Variants in SV2C observed in about 807,000 individuals in gnomAD.
SV2C encodes the protein solute carrier family 22 member B3.
Under a neutral mutation model 79.7 loss-of-function variants are expected in SV2C, and 49 were observed. The ratio of observed to expected loss-of-function variants is 0.61; its 90% CI spans 0.49 to 0.78. The LOEUF is 0.78. SV2C is among the 30% of genes least tolerant of loss of function. The pLI, the probability that SV2C is intolerant of heterozygous loss-of-function variation, is 0.00. For missense variants in SV2C, 833 were observed against 912.9 expected, an observed-to-expected ratio of 0.91 and a Z score of 1.13; for synonymous variants, 334 against 333.2, an observed-to-expected ratio of 1.00 and a Z score of -0.03.
chr5:76,315,129 G>T (rs1748574396), intron 12 of SV2C, among the ~76,000 whole-genome samples: 1 of 151,586 alleles, frequency 6.6e-6, no homozygotes, highest in South Asian at 2.1e-4. Context: ...GTGTAAGGAA[G>T]GCCCTGCTCG....
At chr5:76,053,567 C>A in the SV2C span, among the ~76,000 whole-genome samples, 1 of 152,120 alleles carries the variant, frequency 6.6e-6, no homozygotes, top group South Asian at 2.1e-4. Flanking sequence ...ACTATGATGG[C>A]TTTCTCCTTT....
At chr5:76,113,082 A>G (rs1335133977) in intron 1 of SV2C, among the ~76,000 whole-genome samples, 1 of 152,228 alleles carries the variant, frequency 6.6e-6, no homozygotes. Flanking sequence ...GCCTCTCAGT[A>G]CGTGTTTGTG....
upstream of SV2C, among the ~76,000 whole-genome samples, chr5:76,080,128 C>G (rs1433513818): frequency 6.6e-6 from 1 of 150,908 alleles, no homozygotes; most frequent in Non-Finnish European, 1.5e-5. Context: ...TTGTTTTGTT[C>G]TGGAGGGAAG....
chr5:76,167,235 A>G (rs886832737), intron 2 of SV2C, among the ~76,000 whole-genome samples: 9 of 152,202 alleles, frequency 5.9e-5, no homozygotes, highest in Admixed American at 3.9e-4. Context: ...ACTAATTTCT[A>G]TTCCTTGTTC....
At chr5:76,189,473 T>C (rs147924158) in intron 2 of SV2C, among the ~76,000 whole-genome samples, 1 of 152,352 alleles carries the variant, frequency 6.6e-6, no homozygotes, top group Non-Finnish European at 1.5e-5. Flanking sequence ...TTCAGAGGCA[T>C]GGTAGAAACC....
the SV2C span, among the ~76,000 whole-genome samples, chr5:76,044,683 AT>A: frequency 3.6e-4 from 54 of 151,708 alleles, no homozygotes; most frequent in Middle Eastern, 6.8e-3. Flanking sequence ...TTTTATTCAT[AT>A]TTTTTTTGGC....
intron 2 of SV2C, among the ~76,000 whole-genome samples, chr5:76,166,607 G>GAATTAAAATAAAACTACCTTT (rs1426455467): frequency 1.4e-4 from 21 of 151,920 alleles, no homozygotes; most frequent in Non-Finnish European, 1.9e-4. Context: ...TAGGAGCTAG[G>GAATTAAAATAAAACTACCTTT]GTCAAACCAG....
At chr5:76,323,967 GTAAC>G (rs1426402513) in intron 12 of SV2C, among the ~76,000 whole-genome samples, 1 of 152,104 alleles carries the variant, frequency 6.6e-6, no homozygotes, top group Non-Finnish European at 1.5e-5. Flanking sequence ...GTATACCTAT[GTAAC>G]AAACCTGCAC....
At chr5:75,870,332 A>G in the SV2C span, among the ~76,000 whole-genome samples, 2 of 152,016 alleles carry the variant, frequency 1.3e-5, no homozygotes, top group African/African-American at 2.4e-5. Flanking sequence ...AAAAAGAATC[A>G]AGCAGAAATC....
At chr5:75,950,637 G>A in the SV2C span, among the ~76,000 whole-genome samples, 2 of 151,860 alleles carry the variant, frequency 1.3e-5, no homozygotes, top group Non-Finnish European at 2.9e-5. Context: ...ATGAAAAAAT[G>A]TCCTTTTGGG....
chr5:76,019,190 G>T, the SV2C span, among the ~76,000 whole-genome samples: 1 of 152,124 alleles, frequency 6.6e-6, no homozygotes, highest in Non-Finnish European at 1.5e-5. Context: ...CATGTATGGA[G>T]TTCTGGAAGC....
rs569870958 is a variant in SV2C, at chr5:76,165,773, A to G, written c.581-29146A>G. ...TTGTTGTTAGGTTAAGACCAAAGTC[A>G]GAAAGATCAAATCAGTAGCTGAGTA... On this transcript the variant is annotated intron_variant, in intron 2 of 12. Coordinates refer to ENST00000502798, the MANE Select transcript of SV2C (RefSeq NM_014979.4). Among the ~76,000 whole-genome samples the G allele has an allele frequency of 7.2e-5, 11 of 152,340 alleles. No homozygotes were observed. The South Asian group carries it at 2.3e-3, about 32-fold the overall frequency.
chr5:75,855,043 GA>G, the SV2C span, among the ~76,000 whole-genome samples: 1 of 152,066 alleles, frequency 6.6e-6, no homozygotes, highest in African/African-American at 2.4e-5. Flanking sequence ...AGTAAGTTTT[GA>G]AATTAGGTGC....
At chr5:75,870,556 T>C in the SV2C span, among the ~76,000 whole-genome samples, 6 of 152,216 alleles carry the variant, frequency 3.9e-5, no homozygotes, top group African/African-American at 1.4e-4. Flanking sequence ...TTATTGGCCT[T>C]AAAGAGGCAG....
chr5:75,919,298 C>T, the SV2C span, among the ~76,000 whole-genome samples: 12 of 152,164 alleles, frequency 7.9e-5, no homozygotes, highest in African/African-American at 1.7e-4. Context: ...CCTCCCCTAT[C>T]GGTGTGTTTC....
At chr5:76,276,658 A>G (rs1747031765) in intron 4 of SV2C, among the ~76,000 whole-genome samples, 1 of 142,714 alleles carries the variant, frequency 7.0e-6, no homozygotes, top group South Asian at 2.2e-4. Context: ...TTTTTTTGAG[A>G]CAGCATCTCA....
Position 76,131,931 on chromosome 5 carries a change from G to C in SV2C, c.181G>C (p.Ala61Pro), listed in dbSNP as rs1176534251. Residue 61 changes from alanine to proline, a missense_variant, in exon 2 of 13, where the codon GCT (alanine) becomes CCT (proline). Ala to Pro is a conservative substitution (Grantham distance 27). Coordinates refer to ENST00000502798, the MANE Select transcript of SV2C (RefSeq NM_014979.4). ...DEEDDDDYYP[A>P]GETYNGEAND... ...AGAAGATGATGATGACTACTACCCG[G>C]CTGGAGAAACCTATAATGGTGAGGC... The C allele has an allele frequency of 6.2e-7, 1 of 1,614,052 alleles. No homozygotes were observed. Among genetic ancestry groups the C allele is most frequent in the Non-Finnish European group, 8.5e-7 (1 of 1,179,982 alleles).
At chr5:75,963,322 A>T in the SV2C span, among the ~76,000 whole-genome samples, 1 of 152,254 alleles carries the variant, frequency 6.6e-6, no homozygotes, top group South Asian at 2.1e-4. Flanking sequence ...CTCACAACGA[A>T]TTCCTTAGAA....
the SV2C span, among the ~76,000 whole-genome samples, chr5:76,016,389 G>T: frequency 6.6e-6 from 1 of 151,962 alleles, no homozygotes; most frequent in Non-Finnish European, 1.5e-5. Flanking sequence ...CCTGGAGAGG[G>T]GCAGTCAACC....
Sources: gnomAD v4.1 joint callset for allele counts (sites outside exome capture counted in the v4.1 genomes callset) on GRCh38, gnomAD v4.1.1 for gene constraint, MANE v1.5 for transcripts, NCBI Gene and HGNC (gene_info 2026-07-23, HGNC 2026-07-21) for gene names.